PHLPP1: variants seen among roughly 807,000 people sequenced by gnomAD.
PHLPP1 encodes PH domain leucine-rich repeat-containing protein phosphatase 1.
Under a neutral mutation model 117.2 loss-of-function variants are expected in PHLPP1, and 42 were observed. That is an observed-to-expected ratio of 0.36 (90% confidence interval 0.28 to 0.46). PHLPP1 has a LOEUF of 0.46. PHLPP1 is among the 20% of genes least tolerant of loss of function. The probability of loss-of-function intolerance (pLI) is 1.00; values close to 1 mark genes in which losing one functional copy is unlikely to be tolerated. For missense variants in PHLPP1, 2,084 were observed against 2,241.9 expected, an observed-to-expected ratio of 0.93 and a Z score of 1.42; for synonymous variants, 1,042 against 970.7, an observed-to-expected ratio of 1.07 and a Z score of -1.37.
chr18:62,838,905 C>T lies in PHLPP1; in HGVS notation c.1895C>T (p.Ser632Phe). ...TACTTAAGGTGGCTGCGACAAGTCT[C>T]CAAGGTAAGCAAGCACTTAATCCAG... ...TEYLRWLRQV[S>F]KVASQRISSV... Residue 632 changes from serine (S) to phenylalanine (F), a missense_variant, in exon 3 of 17, where the codon TCC (serine) becomes TTC (phenylalanine). By Grantham distance (155) the Ser-to-Phe change is radical (BLOSUM62 -2). Transcript: ENST00000262719. 1 of 1,613,782 alleles carries T rather than the reference C, an allele frequency of 6.2e-7. No individual in the cohort carries two copies. Among genetic ancestry groups the T allele is most frequent in the Non-Finnish European group, 8.5e-7 (1 of 1,179,790 alleles).
chr18:62,842,109 G>A (rs1251784268), intron 3 of PHLPP1, among the ~76,000 whole-genome samples: 7 of 152,230 alleles, frequency 4.6e-5, no homozygotes, highest in Non-Finnish European at 1.0e-4. Flanking sequence ...TAAGTGAGTA[G>A]AACTAACTAA....
At chr18:62,805,799 T>C (rs921857119) in intron 1 of PHLPP1, among the ~76,000 whole-genome samples, 16 of 152,126 alleles carry the variant, frequency 1.1e-4, no homozygotes, top group African/African-American at 3.6e-4. Flanking sequence ...CATGAAGATA[T>C]TCTCCTGTGT....
chr18:62,852,797 A>T (rs189841932), intron 3 of PHLPP1, among the ~76,000 whole-genome samples: 55 of 152,312 alleles, frequency 3.6e-4, no homozygotes, highest in African/African-American at 1.2e-3. Flanking sequence ...AGGGGGCAAA[A>T]TCATCACATT....
intron 3 of PHLPP1, among the ~76,000 whole-genome samples, chr18:62,847,112 C>G (rs1385148588): frequency 6.6e-6 from 1 of 152,134 alleles, no homozygotes; most frequent in African/African-American, 2.4e-5. Context: ...ACAAAAGAAG[C>G]GTGTTTTTGT....
intron 4 of PHLPP1, among the ~76,000 whole-genome samples, chr18:62,879,300 G>C (rs1324972952): frequency 6.6e-6 from 1 of 152,204 alleles, no homozygotes; most frequent in Admixed American, 6.5e-5. Context: ...GACACAGCAA[G>C]AAGGCCCTCA....
intron 6 of PHLPP1, among the ~76,000 whole-genome samples, chr18:62,897,159 A>G (rs1175374760): frequency 6.6e-6 from 1 of 152,172 alleles, no homozygotes; most frequent in Non-Finnish European, 1.5e-5. Context: ...GCTTGCACTG[A>G]CCTCAGGTAG....
At chr18:62,732,571 T>G (rs535258808) in intron 1 of PHLPP1, among the ~76,000 whole-genome samples, 276 of 152,352 alleles carry the variant, frequency 1.8e-3, no homozygotes, top group African/African-American at 6.5e-3. Flanking sequence ...TAACACAACA[T>G]CCATTCTGTA....
intron 1 of PHLPP1, among the ~76,000 whole-genome samples, chr18:62,782,587 TTTATA>T (rs1913149320): frequency 6.6e-6 from 1 of 152,252 alleles, no homozygotes; most frequent in Non-Finnish European, 1.5e-5. Flanking sequence ...CACTCCATCT[TTTATA>T]TTAACTATAA....
intron 1 of PHLPP1, among the ~76,000 whole-genome samples, chr18:62,806,758 A>G (rs1321820318): frequency 1.3e-5 from 2 of 152,196 alleles, no homozygotes; most frequent in African/African-American, 4.8e-5. Context: ...CTATTTATCT[A>G]CATGGAACTT....
At chr18:62,930,919 G>T (rs542487027) in intron 10 of PHLPP1, among the ~76,000 whole-genome samples, 27 of 152,280 alleles carry the variant, frequency 1.8e-4, no homozygotes, top group African/African-American at 6.5e-4. Flanking sequence ...GCCGGGTGCG[G>T]TGGCTCATGC....
At chr18:62,800,640 T>G (rs939023646) in intron 1 of PHLPP1, among the ~76,000 whole-genome samples, 1 of 152,102 alleles carries the variant, frequency 6.6e-6, no homozygotes, top group African/African-American at 2.4e-5. Flanking sequence ...GTCTCTGTTG[T>G]AAAAACCCTC....
chr18:62,850,260 C>T (rs1038625747), intron 3 of PHLPP1, among the ~76,000 whole-genome samples: 2 of 151,258 alleles, frequency 1.3e-5, no homozygotes, highest in African/African-American at 4.9e-5. Flanking sequence ...TGGTGGCAGG[C>T]ACCTGTAATC....
chr18:62,745,944 C>G (rs895706577), intron 1 of PHLPP1, among the ~76,000 whole-genome samples: 2 of 152,110 alleles, frequency 1.3e-5, no homozygotes, highest in South Asian at 2.1e-4. Context: ...GGTGTTAGAT[C>G]TGAATTGCTG....
At chr18:62,917,195 CATATTATATATTTAT>C (rs66854006) in intron 9 of PHLPP1, among the ~76,000 whole-genome samples, 16,407 of 147,246 alleles carry the variant, frequency 0.11, 1,062 homozygotes, top group African/African-American at 0.17. Context: ...TATACATTAA[CATATTATATATTTAT>C]ATATTATATA....
chr18:62,830,956 A>G (rs1005075291), intron 2 of PHLPP1, among the ~76,000 whole-genome samples: 22 of 152,142 alleles, frequency 1.4e-4, no homozygotes, highest in African/African-American at 5.3e-4. Flanking sequence ...ATTTTCCCCT[A>G]TCTGTGTTTA....
chr18:62,740,783 C>G (rs530782844), intron 1 of PHLPP1, among the ~76,000 whole-genome samples: 1 of 152,250 alleles, frequency 6.6e-6, no homozygotes, highest in Non-Finnish European at 1.5e-5. Context: ...ACCAGCCTGG[C>G]CAACATGGTG....
intron 9 of PHLPP1, among the ~76,000 whole-genome samples, chr18:62,917,665 T>C (rs969702590): frequency 1.3e-5 from 2 of 150,828 alleles, no homozygotes; most frequent in South Asian, 2.1e-4. Flanking sequence ...AAAATAAAAT[T>C]AGCTAGATAT....
intron 1 of PHLPP1, among the ~76,000 whole-genome samples, chr18:62,829,418 G>A (rs539754068): frequency 1.2e-4 from 18 of 152,072 alleles, no homozygotes; most frequent in African/African-American, 2.9e-4. Flanking sequence ...TCATGAAGTC[G>A]TTTCAAATGT....
intron 1 of PHLPP1, among the ~76,000 whole-genome samples, chr18:62,725,408 A>G (rs1277666147): frequency 6.6e-6 from 1 of 151,878 alleles, no homozygotes; most frequent in East Asian, 1.9e-4. Flanking sequence ...TATGTATTAA[A>G]AAGATTCAAC....
Sources: gnomAD v4.1 joint callset for allele counts (sites outside exome capture counted in the v4.1 genomes callset) on GRCh38, gnomAD v4.1.1 for gene constraint, MANE v1.5 for transcripts, NCBI Gene and HGNC (gene_info 2026-07-23, HGNC 2026-07-21) for gene names.